The following AMACR variants were observed in gnomAD, a reference collection of about 807,000 sequenced individuals.
The protein encoded by AMACR is alpha-methylacyl-CoA racemase.
Under a neutral mutation model 22.2 loss-of-function variants are expected in AMACR, and 18 were observed. That is an observed-to-expected ratio of 0.81 (90% CI 0.56 to 1.20). AMACR has a LOEUF of 1.20. AMACR is among the 50% of genes most tolerant of loss of function. The pLI is 0.00. For synonymous variants in AMACR, 213 were observed against 191.3 expected (o/e 1.11, Z -0.94); for missense variants, 499 against 490.6 (o/e 1.02, Z -0.16).
At chr5:34,003,786 A>G (rs564382233) in intron 3 of AMACR, among the ~76,000 whole-genome samples, 2 of 152,312 alleles carry the variant, frequency 1.3e-5, no homozygotes, top group South Asian at 4.1e-4. Flanking sequence ...TGATCTCTTC[A>G]GCAATAACCC....
intron 4 of AMACR, among the ~76,000 whole-genome samples, chr5:33,994,973 T>C (rs931763548): frequency 6.6e-6 from 1 of 152,226 alleles, no homozygotes; most frequent in Non-Finnish European, 1.5e-5. Flanking sequence ...CATCCGAGGT[T>C]TGGCTTTCTG....
At chr5:33,994,431 G>A (rs1012806316) in intron 4 of AMACR, among the ~76,000 whole-genome samples, 1 of 152,030 alleles carries the variant, frequency 6.6e-6, no homozygotes, top group Non-Finnish European at 1.5e-5. Flanking sequence ...CACCTGCCTC[G>A]GCCTCCCAAA....
At chr5:34,004,820 A>G (rs1467861549) in intron 2 of AMACR, 86 bp from the exon 3 acceptor site, 5 of 1,454,086 alleles carry the variant, frequency 3.4e-6, no homozygotes, top group Non-Finnish European at 4.7e-6. Flanking sequence ...AGGAATAATC[A>G]ATCTCTCCAG....
At position 34,004,738 on chromosome 5, in the gene AMACR, C is replaced by A. The variant is rs1203798600; in HGVS notation, c.392-4G>T. 1.2e-6 allele frequency: 2 copies of A among 1,614,144 alleles called. No individual in the cohort carries two copies. The highest frequency in any genetic ancestry group is 1.7e-6 in the Non-Finnish European group (2 of 1,179,982). On this transcript the variant is annotated splice_region_variant and splice_polypyrimidine_tract_variant and intron_variant, in intron 2 of 4. Transcript: ENST00000335606. ...CTGCCAATTTTTGAGAGAACACCTA[C>A]ATCATTAAAAACAAATTTAATGTCT...
chr5:33,989,356 G>C lies in AMACR; in HGVS notation c.886C>G (p.Pro296Ala). ...ACAACCTCCTCAAAAGTCAGAACCG[G>C]AGTCACACAGGCATCTGTGCCGTCA... is the stretch of plus-strand genomic sequence containing the variant. ...IFDGTDACVT[P>A]VLTFEEVVHH... Residue 296 changes from proline (P) to alanine (A), a missense_variant, in exon 5 of 5, where the codon CCG (proline) becomes GCG (alanine). Coordinates refer to ENST00000335606, the MANE Select transcript of AMACR (RefSeq NM_014324.6). 2 of 1,614,176 alleles carry C rather than the reference G, an allele frequency of 1.2e-6. No individual in the cohort carries two copies. Among genetic ancestry groups the C allele is most frequent in the Non-Finnish European group, 1.7e-6 (2 of 1,180,032 alleles).
intron 1 of AMACR, among the ~76,000 whole-genome samples, chr5:34,007,522 G>GGGAA (rs1370340620): frequency 6.6e-6 from 1 of 152,178 alleles, no homozygotes; most frequent in Non-Finnish European, 1.5e-5. Context: ...GGAGGAATTT[G>GGGAA]GGAAGGAGTC....
intron 3 of AMACR, among the ~76,000 whole-genome samples, chr5:34,001,129 A>T (rs1415828029): frequency 1.3e-5 from 2 of 152,196 alleles, no homozygotes; most frequent in South Asian, 4.1e-4. Flanking sequence ...CTCATATACC[A>T]TGCATGCGAG....
chr5:34,000,828 G>A (rs1278447704), intron 3 of AMACR, among the ~76,000 whole-genome samples: 2 of 152,138 alleles, frequency 1.3e-5, no homozygotes, highest in Non-Finnish European at 2.9e-5. Context: ...AGCTTCGTTG[G>A]TCTGACAAAA....
chr5:34,006,088 T>C (rs1240501264), intron 1 of AMACR, among the ~76,000 whole-genome samples, 189 bp from the exon 2 acceptor site: 1 of 152,246 alleles, frequency 6.6e-6, no homozygotes, highest in African/African-American at 2.4e-5. Flanking sequence ...GTGTGGCTTC[T>C]TCCCAGGATG....
intron 4 of AMACR, among the ~76,000 whole-genome samples, chr5:33,996,772 C>T (rs1489585334): frequency 1.3e-5 from 2 of 150,406 alleles, no homozygotes; most frequent in African/African-American, 5.0e-5. Context: ...ACCCTGTCCC[C>T]TAGATTAAAA....
intron 4 of AMACR, chr5:33,997,133 A>C: frequency 1.3e-6 from 1 of 750,470 alleles, no homozygotes; most frequent in Non-Finnish European, 2.5e-6. Flanking sequence ...GTTTCCTTTA[A>C]GGTTGATCCA....
At chr5:34,007,666 C>T (rs2112077024) in intron 1 of AMACR, 107 bp downstream of exon 1, 1 of 1,414,446 alleles carries the variant, frequency 7.1e-7, no homozygotes, top group South Asian at 1.5e-5. Flanking sequence ...GACAAGGGTT[C>T]TTGCGGCAAC....
In AMACR at chr5:34,007,904, G is replaced by A. The variant is rs2112078262; in HGVS notation, c.116C>T (p.Ser39Phe). Residue 39 changes from serine (S) to phenylalanine (F), a missense_variant, in exon 1 of 5, where the codon TCC becomes TTC. Physicochemically the swap from Ser to Phe is radical, Grantham distance 155. Coordinates refer to ENST00000335606, the MANE Select transcript of AMACR (RefSeq NM_014324.6). ...GCCCAAGCGGCTCACGTCGTAGCGG[G>A]AGCCGGGCCGGTCCACGCGTACCAC... is the stretch of plus-strand genomic sequence containing the variant. ...ARVVRVDRPGSRYDVSRLGRG... is the reference protein window; with the variant it reads ...ARVVRVDRPGFRYDVSRLGRG... 1 of 1,604,676 alleles carries A rather than the reference G, an allele frequency of 6.2e-7. No individual in the cohort carries two copies. The highest frequency in any genetic ancestry group is 1.1e-5 in the South Asian group (1 of 90,664).
chr5:33,995,226 T>C (rs1753599981), intron 4 of AMACR, among the ~76,000 whole-genome samples: 1 of 152,178 alleles, frequency 6.6e-6, no homozygotes, highest in Non-Finnish European at 1.5e-5. Flanking sequence ...TGCTGCAGTA[T>C]TGCAGTGCTT....
Position 33,988,736 on chromosome 5 carries a change from G to T in AMACR, c.*357C>A. 8.4e-7 allele frequency: 1 copy of T among 1,196,186 alleles called. No homozygotes were observed. Among genetic ancestry groups the T allele is most frequent in the Non-Finnish European group, 1.0e-6 (1 of 960,910 alleles). The allele number at this position is 1,196,186 out of a possible 1,614,324, so 74.1% of individuals were successfully genotyped here. A position where few individuals can be genotyped will look rare whatever the true frequency, so the allele number is the denominator to read the frequency against. On this transcript the variant is annotated 3_prime_UTR_variant, in exon 5 of 5. Transcript: ENST00000335606. ...CTCATTTTCTACATTGTAGAATCAA[G>T]AGTGTAAATAAATGTATATCGATGT... is the stretch of plus-strand genomic sequence containing the variant.
chr5:34,004,803 A>C, intron 2 of AMACR, 69 bp from the exon 3 acceptor site: 1 of 1,516,496 alleles, frequency 6.6e-7, no homozygotes, highest in Non-Finnish European at 9.0e-7. Flanking sequence ...ATATGTGAGC[A>C]TCTTAGAGGA....
chr5:34,001,639 T>C (rs1376741758), intron 3 of AMACR, among the ~76,000 whole-genome samples: 6 of 152,354 alleles, frequency 3.9e-5, no homozygotes, highest in South Asian at 2.1e-4. Context: ...TGGGCTCAGA[T>C]TGAGTGTAAA....
chr5:33,998,341 A>G (rs1753705038), intron 4 of AMACR, among the ~76,000 whole-genome samples: 1 of 152,180 alleles, frequency 6.6e-6, no homozygotes, highest in Non-Finnish European at 1.5e-5. Flanking sequence ...GAAGAGTAAG[A>G]TCTGGGCACA....
rs1490493574 is a variant in AMACR at position 33,988,170 on chromosome 5, C to T, written c.*923G>A. 2 of 721,798 alleles carry T rather than the reference C, an allele frequency of 2.8e-6. No homozygotes were observed. The highest frequency in any genetic ancestry group is 2.7e-5 in the East Asian group (1 of 36,414). The allele number at this position is 721,798 out of a possible 1,614,324, so 44.7% of individuals were successfully genotyped here. A position where few individuals can be genotyped will look rare whatever the true frequency, so the allele number is the denominator to read the frequency against. On this transcript the variant is annotated 3_prime_UTR_variant, in exon 5 of 5. Transcript: ENST00000335606. ...CTCACATGCCTTTAGGAAGTTGAGT[C>T]CAGGGAAGCTCCAGGAGCAGGCTGG...
Sources: gnomAD v4.1 joint callset for allele counts (sites outside exome capture counted in the v4.1 genomes callset) on GRCh38, gnomAD v4.1.1 for gene constraint, MANE v1.5 for transcripts, NCBI Gene and HGNC (gene_info 2026-07-23, HGNC 2026-07-21) for gene names.